Variants in SPIDR observed in about 807,000 individuals in gnomAD.
SPIDR encodes the protein scaffold protein involved in DNA repair.
In SPIDR, 93 loss-of-function variants were observed where a neutral mutation model predicts 104.6. That is an observed-to-expected ratio of 0.89 (90% CI 0.75 to 1.06). The LOEUF is 1.06. SPIDR is among the 50% of genes least tolerant of loss of function. The pLI, the probability that SPIDR is intolerant of heterozygous loss-of-function variation, is 0.00. For missense variants in SPIDR, 1,154 were observed against 1,111.2 expected (o/e 1.04, Z -0.55); for synonymous variants, 431 against 416.9 (o/e 1.03, Z -0.41).
At chr8:47,279,821 T>G (rs1054135764) in intron 1 of SPIDR, 41 bp from the exon 2 acceptor site, 1 of 1,569,658 alleles carries the variant, frequency 6.4e-7, no homozygotes. Flanking sequence ...GTTGATTTTG[T>G]TTTTTTGTTT....
intron 1 of SPIDR, among the ~76,000 whole-genome samples, chr8:47,261,864 A>T (rs1259446067): frequency 6.6e-6 from 1 of 152,230 alleles, no homozygotes; most frequent in East Asian, 1.9e-4. Context: ...TGATTATAAG[A>T]TACAGTCTGA....
chr8:47,380,158 G>C (rs1004397398), intron 5 of SPIDR, among the ~76,000 whole-genome samples: 1 of 152,192 alleles, frequency 6.6e-6, no homozygotes, highest in African/African-American at 2.4e-5. Context: ...CCCAGGTTTT[G>C]AGTGTAGGTC....
intron 7 of SPIDR, among the ~76,000 whole-genome samples, chr8:47,438,949 C>T (rs951641395): frequency 3.9e-5 from 6 of 152,150 alleles, no homozygotes; most frequent in Non-Finnish European, 1.5e-5. Context: ...TTACTATTCA[C>T]TATTAACCTA....
At chr8:47,277,865 A>G (rs2036870657) in intron 1 of SPIDR, among the ~76,000 whole-genome samples, 1 of 151,384 alleles carries the variant, frequency 6.6e-6, no homozygotes. Flanking sequence ...TGGTAGAGAT[A>G]GGTTTTCACC....
At position 47,260,990 on chromosome 8, in the gene SPIDR, A is replaced by T; in HGVS notation, c.32A>T (p.Lys11Met). 1 of 1,229,472 alleles carries T rather than the reference A, an allele frequency of 8.1e-7. No individual in the cohort carries two copies. Among genetic ancestry groups the T allele is most frequent in the Non-Finnish European group, 1.0e-6 (1 of 986,274 alleles). The allele number at this position is 1,229,472 out of a possible 1,614,324, so 76.2% of individuals were successfully genotyped here. A position where few individuals can be genotyped will look rare whatever the true frequency, so the allele number is the denominator to read the frequency against. Residue 11 changes from lysine to methionine, a missense_variant and splice_region_variant, in exon 1 of 20, where the codon AAG (lysine) becomes ATG (methionine). Transcript: ENST00000297423. The stretch of plus-strand genomic sequence containing the variant: ...CGCGGCAGCCGCGCTCGGGGCTCTA[A>T]GGTAGGCTCTGGGGCGGGAGTGGGC... MPRGSRARGS[K>M]RKRSWNTECP...
At chr8:47,432,435 G>A (rs1238858961) in intron 7 of SPIDR, among the ~76,000 whole-genome samples, 1 of 152,188 alleles carries the variant, frequency 6.6e-6, no homozygotes, top group African/African-American at 2.4e-5. Context: ...GTGAAATCAA[G>A]ACTGGAAACA....
At chr8:47,575,933 C>G (rs2059063615) in intron 8 of SPIDR, among the ~76,000 whole-genome samples, 1 of 149,840 alleles carries the variant, frequency 6.7e-6, no homozygotes, top group African/African-American at 2.4e-5. Context: ...GCTTTCCAGC[C>G]TGGGCGACAG....
chr8:47,316,952 C>G (rs781965083), intron 5 of SPIDR, among the ~76,000 whole-genome samples: 1 of 151,828 alleles, frequency 6.6e-6, no homozygotes, highest in African/African-American at 2.4e-5. Context: ...TGAAATGCAT[C>G]GAAAAGTAAG....
intron 1 of SPIDR, among the ~76,000 whole-genome samples, chr8:47,266,205 C>T (rs1281756684): frequency 1.3e-5 from 2 of 150,348 alleles, no homozygotes; most frequent in African/African-American, 4.9e-5. Context: ...TCTCGGCTCA[C>T]TGCAACTTTC....
chr8:47,576,355 T>C (rs2059127884), intron 8 of SPIDR, among the ~76,000 whole-genome samples: 1 of 152,240 alleles, frequency 6.6e-6, no homozygotes, highest in Admixed American at 6.5e-5. Context: ...TTCCCCATGT[T>C]GGCCAGGCAT....
intron 1 of SPIDR, among the ~76,000 whole-genome samples, chr8:47,267,664 T>C (rs1448425411): frequency 6.6e-6 from 1 of 152,232 alleles, no homozygotes; most frequent in Admixed American, 6.5e-5. Flanking sequence ...GAAATGTTTA[T>C]TCAGCTTATT....
At chr8:47,276,982 G>A (rs1308517230) in intron 1 of SPIDR, 4 of 148,360 alleles carry the variant, frequency 2.7e-5, no homozygotes, top group Non-Finnish European at 5.9e-5. Flanking sequence ...AGGCTGGAGT[G>A]CAATGGCACA....
chr8:47,298,071 C>G (rs1438505650), intron 5 of SPIDR, among the ~76,000 whole-genome samples: 5 of 152,210 alleles, frequency 3.3e-5, no homozygotes, highest in Admixed American at 6.5e-5. Context: ...TACACTCCCA[C>G]CAACAGTGTA....
chr8:47,538,668 G>C (rs939955949), intron 8 of SPIDR, among the ~76,000 whole-genome samples: 2 of 151,986 alleles, frequency 1.3e-5, no homozygotes, highest in Non-Finnish European at 2.9e-5. Context: ...TTCAGGTTTT[G>C]CCTCTATAAA....
At chr8:47,579,412 A>G (rs1201265366) in intron 8 of SPIDR, among the ~76,000 whole-genome samples, 1 of 152,204 alleles carries the variant, frequency 6.6e-6, no homozygotes, top group Non-Finnish European at 1.5e-5. Context: ...GAAATGTTCT[A>G]TTTTTTGTGC....
At chr8:47,350,980 A>T (rs190620623) in intron 5 of SPIDR, among the ~76,000 whole-genome samples, 1 of 152,276 alleles carries the variant, frequency 6.6e-6, no homozygotes, top group East Asian at 1.9e-4. Flanking sequence ...CATCTGGGAC[A>T]TGAATCCCCT....
At chr8:47,312,436 A>G (rs1452968670) in intron 5 of SPIDR, among the ~76,000 whole-genome samples, 1 of 152,098 alleles carries the variant, frequency 6.6e-6, no homozygotes, top group Non-Finnish European at 1.5e-5. Context: ...ATGGTATCTC[A>G]TTATGGTTTT....
At chr8:47,527,058 AG>A (rs914710040) in intron 8 of SPIDR, among the ~76,000 whole-genome samples, 3 of 152,048 alleles carry the variant, frequency 2.0e-5, no homozygotes, top group African/African-American at 7.2e-5. Context: ...TCTTGGAGAG[AG>A]GGGGCACACT....
intron 11 of SPIDR, among the ~76,000 whole-genome samples, chr8:47,678,210 C>T (rs1281346434): frequency 6.6e-6 from 1 of 152,156 alleles, no homozygotes; most frequent in Non-Finnish European, 1.5e-5. Flanking sequence ...TAGATAAAGC[C>T]TAAATCCTAT....
Sources: allele counts gnomAD v4.1 joint callset (sites outside exome capture counted in the v4.1 genomes callset), GRCh38; gene constraint gnomAD v4.1.1; transcripts MANE v1.5; gene names NCBI Gene and HGNC (gene_info 2026-07-23, HGNC 2026-07-21).